The following DDX31 variants were observed in gnomAD, a reference collection of about 807,000 sequenced individuals.
DDX31 encodes the protein ATP-dependent DNA helicase DDX31.
Under a neutral mutation model 91.3 loss-of-function variants are expected in DDX31, and 70 were observed. The observed-to-expected ratio is 0.77, with a 90% CI of 0.63 to 0.94. The LOEUF is 0.94. Ranked by LOEUF, DDX31 falls within the 40% of genes least tolerant of loss-of-function variation. The pLI, the probability that DDX31 is intolerant of heterozygous loss-of-function variation, is 0.00. For missense variants in DDX31, 902 were observed against 925.0 expected (o/e 0.98, Z 0.32); for synonymous variants, 362 against 350.6 (o/e 1.03, Z -0.36).
At position 132,595,108 on chromosome 9, in the gene DDX31, C is replaced by T; in HGVS notation, c.1999G>A (p.Asp667Asn). The T allele has an allele frequency of 6.2e-7, 1 of 1,613,674 alleles. No homozygotes were observed. Residue 667 changes from aspartate (D) to asparagine (N), a missense_variant, in exon 20 of 20, where the codon GAC becomes AAC. By Grantham distance (23) the Asp-to-Asn change is conservative. Transcript: ENST00000372159. This position sits in a 1 kb window ranked among gnomAD's most constrained non-coding sequence, Gnocchi z 4.6. The stretch of plus-strand genomic sequence containing the variant: ...TTACTCTGGGTCTTCTTATGAAGGT[C>T]AGGCCTGAAGAACAGTAACAGCAGA... ...KKRKAHVKRPDLHKKTQSKHS... is the reference protein window; with the variant it reads ...KKRKAHVKRPNLHKKTQSKHS...
rs957536032 is a variant in DDX31, at chr9:132,645,989, A to G, written c.1286T>C (p.Leu429Pro). 1.9e-6 allele frequency: 3 copies of G among 1,614,148 alleles called. No homozygotes were observed. Among genetic ancestry groups the G allele is most frequent in the Admixed American group, 3.3e-5 (2 of 60,022 alleles). The part of the protein sequence containing the change: ...EFHYSLFLQT[L>P]LSSSGAPASG... ...TGCCGGCGCCCCTGAGCTGCTCAGC[A>G]GGGTCTGTAGGAAGAGGCTGTAGTG... is the stretch of plus-strand genomic sequence containing the variant. Residue 429 changes from leucine (L) to proline (P), a missense_variant, in exon 13 of 20, where the codon CTG becomes CCG. Physicochemically the swap from Leu to Pro is moderately conservative, Grantham distance 98. Transcript: ENST00000372159.
chr9:132,642,065 T>G lies in DDX31; in HGVS notation c.1381-2A>C, dbSNP rs1279370674. 4 of 1,614,016 alleles carry G rather than the reference T, an allele frequency of 2.5e-6. No homozygotes were observed. Among genetic ancestry groups the G allele is most frequent in the Non-Finnish European group, 3.4e-6 (4 of 1,179,978 alleles). On this transcript the variant is annotated splice_acceptor_variant, in intron 13 of 19. Coordinates refer to ENST00000372159, the MANE Select transcript of DDX31 (RefSeq NM_022779.9). LOFTEE classifies it high-confidence loss of function. ...TTCCTGAAACACTGCTGTTCTTTCC[T>G]ACAAAAACAAGGAAAAATAGAGCCT... is the stretch of plus-strand genomic sequence containing the variant.
At chr9:132,658,874 TC>T (rs1412312676) in intron 5 of DDX31, 139 bp from the exon 6 acceptor site, 150 of 707,062 alleles carry the variant, frequency 2.1e-4, no homozygotes, top group Non-Finnish European at 3.1e-4. Flanking sequence ...CCATTATACA[TC>T]CAAGAGAAGT....
chr9:132,640,051 C>T (rs1342193650), intron 14 of DDX31, among the ~76,000 whole-genome samples: 7 of 152,212 alleles, frequency 4.6e-5, no homozygotes, highest in Admixed American at 3.9e-4. Flanking sequence ...AACCAAGCGC[C>T]TACTGCATGC....
At chr9:132,615,488 A>G (rs1047291503) in intron 18 of DDX31, among the ~76,000 whole-genome samples, 1 of 152,234 alleles carries the variant, frequency 6.6e-6, no homozygotes, top group Non-Finnish European at 1.5e-5. Flanking sequence ...TTCAAGACAA[A>G]GCATTTGGTA....
At chr9:132,615,563 T>C (rs1231977554) in intron 18 of DDX31, among the ~76,000 whole-genome samples, 1 of 151,540 alleles carries the variant, frequency 6.6e-6, no homozygotes, top group East Asian at 1.9e-4. Flanking sequence ...CTGGTGTGGG[T>C]TTTCTAGACT....
rs567287556 is a variant in DDX31, at chr9:132,638,441, T to G, written c.1440+3563A>C. 1.3e-5 allele frequency: 21 copies of G among 1,598,768 alleles called. No homozygotes were observed. The South Asian group carries it at 2.2e-4, about 17-fold the overall frequency. ...ATCCCTTTGATTGCTTAATTCCACTTGGGAAAGTGGGCTTTGAACTTCCAA... is the reference window on the plus strand; with the variant it reads ...ATCCCTTTGATTGCTTAATTCCACTGGGGAAAGTGGGCTTTGAACTTCCAA... On this transcript the variant is annotated intron_variant, in intron 14 of 19. Transcript: ENST00000372159.
At position 132,603,715 on chromosome 9, in the gene DDX31, C is replaced by T. The variant is rs180683293; in HGVS notation, c.1994+8372G>A. ...TACTAATTCCAGTGCTTGGGCAGCTCCAGCAGTGAATGTGCCCGTCTCCAG... is the reference window on the plus strand; with the variant it reads ...TACTAATTCCAGTGCTTGGGCAGCTTCAGCAGTGAATGTGCCCGTCTCCAG... On this transcript the variant is annotated intron_variant, in intron 19 of 19. Coordinates refer to ENST00000372159, the MANE Select transcript of DDX31 (RefSeq NM_022779.9). Among the ~76,000 whole-genome samples, 59 of 152,306 alleles carry T rather than the reference C, an allele frequency of 3.9e-4. 1 individual carries two copies. The East Asian group carries it at 0.011, about 29-fold the overall frequency.
chr9:132,632,066 A>G lies in DDX31; in HGVS notation c.1466T>C (p.Leu489Pro). 5 of 1,613,422 alleles carry G rather than the reference A, an allele frequency of 3.1e-6. No homozygotes were observed. The stretch of plus-strand genomic sequence containing the variant: ...CTGAACAATCCACGTGACTTGAGGG[A>G]GATCTAAGCCCCGAGCTGCAACATC... ...CTDVAARGLD[L>P]PQVTWIVQYN... The change falls in exon 15 of 20, where the codon CTC (leucine) becomes CCC (proline). Residue 489 changes from leucine (L) to proline (P), a missense_variant. Transcript: ENST00000372159.
In DDX31 at chr9:132,660,869, C is replaced by T. The variant is rs1184157696; in HGVS notation, c.452+339G>A. On this transcript the variant is annotated intron_variant, in intron 4 of 19. Coordinates refer to ENST00000372159, the MANE Select transcript of DDX31 (RefSeq NM_022779.9). ...TTTACTCTTGTCTTTTTGGTTGACC[C>T]TAATTCTTACTACTAAGAAACGACA... Among the ~76,000 whole-genome samples the T allele has an allele frequency of 5.3e-5, 8 of 152,284 alleles. No homozygotes were observed. The East Asian group carries it at 1.5e-3, about 29-fold the overall frequency.
intron 17 of DDX31, 142 bp from the exon 18 acceptor site, chr9:132,618,583 A>G (rs75306741): frequency 1.7e-6 from 1 of 600,684 alleles, no homozygotes; most frequent in Non-Finnish European, 2.7e-6. Flanking sequence ...TATTACTAGG[A>G]AAAAAGGGAG....
intron 18 of DDX31, among the ~76,000 whole-genome samples, chr9:132,613,115 C>T (rs962598960): frequency 2.0e-5 from 3 of 152,106 alleles, no homozygotes; most frequent in Non-Finnish European, 4.4e-5. Context: ...CTCCTGACCT[C>T]AGGTGGTCCT....
intron 14 of DDX31, chr9:132,637,722 T>A (rs1833212377): frequency 1.5e-6 from 1 of 659,596 alleles, no homozygotes. Flanking sequence ...GCGAGAGATC[T>A]TGGCTGGAGC....
chr9:132,638,102 CAAG>C (rs1040308926), intron 14 of DDX31: 40 of 1,357,386 alleles, frequency 2.9e-5, no homozygotes, highest in Non-Finnish European at 3.6e-5. Flanking sequence ...GCCGGACAGC[CAAG>C]GAGGATGCCA....
At position 132,659,792 on chromosome 9, in the gene DDX31, GA is replaced by G. The variant is rs34470450; in HGVS notation, c.453-13del. 6 of 1,611,144 alleles carry G rather than the reference GA, an allele frequency of 3.7e-6. No individual in the cohort carries two copies. The South Asian group carries it at 6.6e-5, about 18-fold the overall frequency. ...TTTGCTTCTGAACACTGGGCCACCC[GA>G]AAAAAAGAACACACTTTACCTATAT... On this transcript the variant is annotated splice_polypyrimidine_tract_variant and intron_variant, in intron 4 of 19. Coordinates refer to ENST00000372159, the MANE Select transcript of DDX31 (RefSeq NM_022779.9).
At chr9:132,653,572 C>A (rs1247572235) in intron 6 of DDX31, among the ~76,000 whole-genome samples, 1 of 61,326 alleles carries the variant, frequency 1.6e-5, no homozygotes, top group Admixed American at 1.7e-4. Context: ...TTAATAGCAA[C>A]AAAAAAGATA....
chr9:132,660,834 C>T (rs891878094), intron 4 of DDX31, among the ~76,000 whole-genome samples: 2 of 152,132 alleles, frequency 1.3e-5, no homozygotes, highest in Non-Finnish European at 2.9e-5. Flanking sequence ...CCACTCTATC[C>T]AACTGAACAT....
chr9:132,628,400 C>G (rs1384745531), intron 16 of DDX31, among the ~76,000 whole-genome samples: 1 of 152,218 alleles, frequency 6.6e-6, no homozygotes, highest in African/African-American at 2.4e-5. Flanking sequence ...AAAAGGGAGT[C>G]ACGTAAATGC....
rs569076149 is a variant in DDX31, at chr9:132,619,790, T to TA, written c.1714-1350dup. Among the ~76,000 whole-genome samples the TA allele has an allele frequency of 3.1e-3, 475 of 152,120 alleles. 5 individuals carry two copies. Among genetic ancestry groups the TA allele is most frequent in the African/African-American group, 0.011 (455 of 41,506 alleles). The stretch of plus-strand genomic sequence containing the variant: ...TCATTAACAAGGATTTTTTTTTTTT[T>TA]ACCCTCTTAACTGATGTGAAATGCA... On this transcript the variant is annotated intron_variant, in intron 17 of 19. Transcript: ENST00000372159.
Sources: allele counts gnomAD v4.1 joint callset (sites outside exome capture counted in the v4.1 genomes callset), GRCh38; gene constraint gnomAD v4.1.1; non-coding constraint Gnocchi (gnomAD v3.1); transcripts MANE v1.5; gene names NCBI Gene and HGNC (gene_info 2026-07-23, HGNC 2026-07-21).